Variants in CELF4 observed in about 807,000 individuals in gnomAD.
The protein encoded by CELF4 is CUG-BP- and ETR-3-like factor 4.
CELF4 carries 18 observed loss-of-function variants against 59.9 expected under a neutral mutation model. That is an observed-to-expected ratio of 0.30 (90% confidence interval 0.21 to 0.45). The LOEUF (loss-of-function observed/expected upper bound fraction) is 0.45. Ranked by LOEUF, CELF4 falls within the 20% of genes least tolerant of loss-of-function variation. CELF4 has a pLI of 1.00. For missense variants in CELF4, 456 were observed against 689.0 expected (o/e 0.66, Z 3.79); for synonymous variants, 261 against 267.1 (o/e 0.98, Z 0.22).
intron 1 of CELF4, among the ~76,000 whole-genome samples, chr18:37,547,473 G>A (rs570609282): frequency 6.6e-6 from 1 of 152,294 alleles, no homozygotes. Flanking sequence ...CATGAGAGCT[G>A]TCTATAGCCA....
At chr18:37,553,551 A>G (rs998227174) in intron 1 of CELF4, among the ~76,000 whole-genome samples, 2 of 152,224 alleles carry the variant, frequency 1.3e-5, no homozygotes, top group Non-Finnish European at 1.5e-5. Context: ...AATAAAAATC[A>G]CACTAAATCG....
intron 2 of CELF4, among the ~76,000 whole-genome samples, chr18:37,358,641 G>A (rs1217956512): frequency 2.6e-5 from 4 of 152,204 alleles, no homozygotes; most frequent in South Asian, 2.1e-4. Context: ...TTTACACCTC[G>A]CTGTGAATCT....
intron 1 of CELF4, among the ~76,000 whole-genome samples, chr18:37,496,379 A>T (rs1786813): frequency 1.3e-5 from 2 of 152,140 alleles, no homozygotes; most frequent in Non-Finnish European, 2.9e-5. Flanking sequence ...CAGGAGGGGA[A>T]GGTGTGTCCA....
At position 37,560,197 on chromosome 18, in the gene CELF4, G is replaced by T. The variant is rs147242437; in HGVS notation, c.286+5159C>A. Among the ~76,000 whole-genome samples, 708 of 152,286 alleles carry T rather than the reference G, an allele frequency of 4.6e-3. 3 individuals are homozygous for T. Among genetic ancestry groups the T allele is most frequent in the South Asian group, 7.5e-3 (36 of 4,814 alleles). ...TGCACTGAAATCTAGGCCAGCCCTG[G>T]TTTCCATATGTGTGGGATGTGCTTA... On this transcript the variant is annotated intron_variant, in intron 1 of 12. Transcript: ENST00000420428.
intron 1 of CELF4, among the ~76,000 whole-genome samples, chr18:37,540,687 A>T (rs2154605439): frequency 6.6e-6 from 1 of 152,276 alleles, no homozygotes; most frequent in South Asian, 2.1e-4. Context: ...TGCTGCGTGG[A>T]ATGCAACCTT....
intron 3 of CELF4, among the ~76,000 whole-genome samples, chr18:37,291,152 G>A (rs1962915): frequency 0.52 from 79,638 of 151,808 alleles, 22,024 homozygotes; most frequent in African/African-American, 0.7. Flanking sequence ...CAGGTGATCC[G>A]CCTGCCTCGG....
intron 2 of CELF4, among the ~76,000 whole-genome samples, chr18:37,461,693 G>A (rs577189849): frequency 1.3e-5 from 2 of 152,234 alleles, no homozygotes; most frequent in African/African-American, 4.8e-5. Context: ...CAATGTGGCT[G>A]TACGCCAGAA....
chr18:37,377,798 C>T (rs564588550), intron 2 of CELF4, among the ~76,000 whole-genome samples: 1 of 152,178 alleles, frequency 6.6e-6, no homozygotes, highest in South Asian at 2.1e-4. Context: ...AGGATGCATT[C>T]GTTCTGGGGC....
intron 1 of CELF4, among the ~76,000 whole-genome samples, chr18:37,561,860 T>A (rs2154606317): frequency 6.6e-6 from 1 of 152,300 alleles, no homozygotes; most frequent in Middle Eastern, 3.4e-3. Flanking sequence ...TAGTACAATG[T>A]CTTTCTCTTT....
At chr18:37,521,681 G>C (rs1815823) in intron 1 of CELF4, among the ~76,000 whole-genome samples, 2 of 152,002 alleles carry the variant, frequency 1.3e-5, no homozygotes, top group African/African-American at 4.8e-5. Context: ...CCTGTCTCCC[G>C]CGTGACATTT....
At chr18:37,349,378 G>A (rs1366874495) in intron 2 of CELF4, among the ~76,000 whole-genome samples, 4 of 152,230 alleles carry the variant, frequency 2.6e-5, no homozygotes, top group Non-Finnish European at 4.4e-5. Context: ...GGGCCTATCA[G>A]CCTGGAGATG....
intron 1 of CELF4, among the ~76,000 whole-genome samples, chr18:37,516,900 C>T (rs1297872256): frequency 6.6e-6 from 1 of 152,230 alleles, no homozygotes; most frequent in African/African-American, 2.4e-5. Flanking sequence ...ATACTTGACA[C>T]AATTTCCCTC....
chr18:37,472,578 T>C (rs1440969880), intron 2 of CELF4, among the ~76,000 whole-genome samples: 1 of 152,248 alleles, frequency 6.6e-6, no homozygotes, highest in African/African-American at 2.4e-5. Flanking sequence ...AAACTGCTCC[T>C]GGATGAAAGA....
At chr18:37,415,741 G>A (rs1291749702) in intron 2 of CELF4, among the ~76,000 whole-genome samples, 1 of 152,200 alleles carries the variant, frequency 6.6e-6, no homozygotes, top group African/African-American at 2.4e-5. Context: ...AGGTTGGGAA[G>A]ATTAAAAAGA....
At chr18:37,485,753 C>A in intron 1 of CELF4, 146 bp from the exon 2 acceptor site, 1 of 405,286 alleles carries the variant, frequency 2.5e-6, no homozygotes, top group East Asian at 3.7e-5. Flanking sequence ...GCACTGTTCT[C>A]GGAGCTTCTC....
intron 11 of CELF4, among the ~76,000 whole-genome samples, chr18:37,257,679 C>T (rs2070841253): frequency 6.6e-6 from 1 of 152,192 alleles, no homozygotes; most frequent in African/African-American, 2.4e-5. Flanking sequence ...CCACCACCCC[C>T]AAGCTGTGAC....
intron 8 of CELF4, among the ~76,000 whole-genome samples, chr18:37,267,904 G>A (rs1159388818): frequency 2.0e-5 from 3 of 152,172 alleles, no homozygotes; most frequent in Admixed American, 6.5e-5. Flanking sequence ...GGGCATGGTG[G>A]TGGGCACCTG....
At chr18:37,273,194 G>A (rs371341688) in intron 6 of CELF4, 31 bp from the exon 7 acceptor site, 52 of 1,593,026 alleles carry the variant, frequency 3.3e-5, no homozygotes, top group African/African-American at 3.1e-4. Flanking sequence ...AAAATATCAC[G>A]TGCTTCCAGG....
intron 2 of CELF4, among the ~76,000 whole-genome samples, chr18:37,385,834 G>A (rs964738365): frequency 1.3e-5 from 2 of 152,180 alleles, no homozygotes; most frequent in African/African-American, 4.8e-5. Context: ...TTTTCAATAT[G>A]TATTTATTGA....
Sources: allele counts gnomAD v4.1 joint callset (sites outside exome capture counted in the v4.1 genomes callset), GRCh38; gene constraint gnomAD v4.1.1; transcripts MANE v1.5; gene names NCBI Gene and HGNC (gene_info 2026-07-23, HGNC 2026-07-21).